The following RALGAPA2 variants were observed in gnomAD, a reference collection of about 807,000 sequenced individuals.
RALGAPA2 encodes ral GTPase-activating protein subunit alpha-2.
A neutral mutation model predicts 230.4 loss-of-function variants in RALGAPA2; 139 were observed. That is an observed-to-expected ratio of 0.60 (90% confidence interval 0.53 to 0.69). The LOEUF is 0.69. Among genes scored for constraint, RALGAPA2 ranks in the 30% least tolerant of loss-of-function variants. RALGAPA2 has a pLI of 0.00. For missense variants in RALGAPA2, 2,163 were observed against 2,276.0 expected, an observed-to-expected ratio of 0.95 and a Z score of 1.01; for synonymous variants, 847 against 837.8, an observed-to-expected ratio of 1.01 and a Z score of -0.19.
rs1454295618 is a variant in RALGAPA2 at position 20,573,077 on chromosome 20, A to T, written c.2708-9T>A. The T allele has an allele frequency of 1.3e-6, 2 of 1,593,210 alleles. No individual in the cohort carries two copies. Among genetic ancestry groups the T allele is most frequent in the Non-Finnish European group, 1.7e-6 (2 of 1,168,494 alleles). On this transcript the variant is annotated splice_polypyrimidine_tract_variant and intron_variant, in intron 20 of 39. Coordinates refer to ENST00000202677, the MANE Select transcript of RALGAPA2 (RefSeq NM_020343.4). ...GAGGCACTCGCTGCTATCTATGCAG[A>T]AAAACATGTCTGTTAACCCTGTAAA... is the stretch of plus-strand genomic sequence containing the variant.
At chr20:20,448,703 T>A (rs1350517903) in intron 37 of RALGAPA2, among the ~76,000 whole-genome samples, 1 of 152,054 alleles carries the variant, frequency 6.6e-6, no homozygotes, top group Non-Finnish European at 1.5e-5. Context: ...CAACTTTAAT[T>A]TCAGAAGGAA....
chr20:20,495,834 TG>T (rs1434010594), intron 35 of RALGAPA2, among the ~76,000 whole-genome samples: 1 of 152,240 alleles, frequency 6.6e-6, no homozygotes, highest in Non-Finnish European at 1.5e-5. Flanking sequence ...TGCTTAAGTC[TG>T]ATAAGAACAC....
intron 4 of RALGAPA2, among the ~76,000 whole-genome samples, chr20:20,649,949 G>A (rs1297891194): frequency 1.3e-5 from 2 of 152,080 alleles, no homozygotes; most frequent in Non-Finnish European, 2.9e-5. Context: ...CCTAAAAAAT[G>A]ACTTCAGAAA....
chr20:20,659,682 T>C, intron 3 of RALGAPA2: 1 of 388,762 alleles, frequency 2.6e-6, no homozygotes. Context: ...AATAAAATAA[T>C]CTGAATGGCA....
Position 20,513,041 on chromosome 20 carries a change from G to A in RALGAPA2, c.4328C>T (p.Pro1443Leu), listed in dbSNP as rs1489604021. ...TGATCCCCCTACCGGTCCTTCTGTG[G>A]GTGTCTGAAGGTAGGAGATGAGGGT... is the stretch of plus-strand genomic sequence containing the variant. ...DSTLISYLQT[P>L]TEGPVGGSPV... Residue 1443 changes from proline (P) to leucine (L), a missense_variant, in exon 32 of 40, where the codon CCC (proline) becomes CTC (leucine). Transcript: ENST00000202677. 1.2e-6 allele frequency: 2 copies of A among 1,611,850 alleles called. No homozygotes were observed. Among genetic ancestry groups the A allele is most frequent in the Non-Finnish European group, 1.7e-6 (2 of 1,179,206 alleles).
intron 35 of RALGAPA2, among the ~76,000 whole-genome samples, chr20:20,499,194 T>G (rs902982449): frequency 3.9e-5 from 6 of 152,212 alleles, no homozygotes; most frequent in African/African-American, 1.4e-4. Context: ...TCACTAATGA[T>G]GCTAAACCTT....
intron 38 of RALGAPA2, among the ~76,000 whole-genome samples, chr20:20,408,406 G>C (rs6112891): frequency 6.6e-6 from 1 of 152,134 alleles, no homozygotes; most frequent in African/African-American, 2.4e-5. Context: ...CAATCTTTAA[G>C]GCAGTTCTGA....
At position 20,571,527 on chromosome 20, in the gene RALGAPA2, A is replaced by C; in HGVS notation, c.3087T>G (p.Val1029=). 6.2e-7 allele frequency: 1 copy of C among 1,612,862 alleles called. No individual in the cohort carries two copies. Among genetic ancestry groups the C allele is most frequent in the Non-Finnish European group, 8.5e-7 (1 of 1,179,502 alleles). Residue 1029 remains valine, a synonymous_variant, in exon 23 of 40, where the codon GTT becomes GTG. Coordinates refer to ENST00000202677, the MANE Select transcript of RALGAPA2 (RefSeq NM_020343.4). The part of the protein sequence containing the change: ...ICAMMTRRQD[V]LPNSDFLVHF... ...GCACCAGGAAATCTGAGTTTGGCAG[A>C]ACGTCCTGGCGTCTGGTCATCATGG...
intron 1 of RALGAPA2, among the ~76,000 whole-genome samples, chr20:20,696,587 A>C (rs1483180781): frequency 6.6e-6 from 1 of 151,040 alleles, no homozygotes; most frequent in African/African-American, 2.4e-5. Context: ...TCTTATCCCT[A>C]TTTCCCCTCT....
At chr20:20,462,052 C>T (rs1375580169) in intron 37 of RALGAPA2, among the ~76,000 whole-genome samples, 2 of 152,032 alleles carry the variant, frequency 1.3e-5, no homozygotes, top group Non-Finnish European at 2.9e-5. Context: ...TCTTTTATAT[C>T]CTAGGACCAA....
chr20:20,639,158 C>T (rs2066950623), intron 7 of RALGAPA2, among the ~76,000 whole-genome samples: 1 of 152,134 alleles, frequency 6.6e-6, no homozygotes, highest in Admixed American at 6.5e-5. Context: ...GATGTGAACT[C>T]AGTAGAGATT....
chr20:20,664,640 C>T (rs945899109), intron 3 of RALGAPA2, among the ~76,000 whole-genome samples: 6 of 152,138 alleles, frequency 3.9e-5, no homozygotes, highest in African/African-American at 9.7e-5. Flanking sequence ...TGCATTTTTC[C>T]GATCTCTTCA....
chr20:20,633,715 T>C (rs1434721954), intron 9 of RALGAPA2, among the ~76,000 whole-genome samples: 2 of 151,776 alleles, frequency 1.3e-5, no homozygotes, highest in Non-Finnish European at 2.9e-5. Flanking sequence ...CCTGACCTCA[T>C]GATCTGCCTG....
chr20:20,572,891 C>G lies in RALGAPA2; in HGVS notation c.2885G>C (p.Trp962Ser), dbSNP rs756983388. Residue 962 changes from tryptophan to serine, a missense_variant, in exon 21 of 40, where the codon TGG becomes TCG. Trp to Ser is a radical substitution (Grantham distance 177). Coordinates refer to ENST00000202677, the MANE Select transcript of RALGAPA2 (RefSeq NM_020343.4). Reference sequence around the variant, plus strand: ...AGAACTTACCTTTGCTAGTTTGTACCAGAGTTCATAGAGATAGCAGAAAAC... The same window carrying G: ...AGAACTTACCTTTGCTAGTTTGTACGAGAGTTCATAGAGATAGCAGAAAAC... ...ARVFCYLYEL[W>S]YKLAKIRDNL... 3.6e-5 allele frequency: 56 copies of G among 1,543,260 alleles called. No homozygotes were observed. Among genetic ancestry groups the G allele is most frequent in the Admixed American group, 1.6e-4 (8 of 50,960 alleles).
At chr20:20,598,763 T>G (rs1299128377) in intron 16 of RALGAPA2, 1 of 456,340 alleles carries the variant, frequency 2.2e-6, no homozygotes, top group African/African-American at 2.0e-5. Flanking sequence ...ACGCTTTTAG[T>G]GGCAGGCAAA....
At chr20:20,396,593 G>T in intron 39 of RALGAPA2, 102 bp downstream of exon 39, 1 of 1,095,626 alleles carries the variant, frequency 9.1e-7, no homozygotes. Context: ...AGGGCGAGGA[G>T]CACTGATGCA....
At position 20,640,871 on chromosome 20, in the gene RALGAPA2, CATCTT is replaced by C. The variant is rs747945410; in HGVS notation, c.375_379del (p.Ile125MetfsTer2). ...CAGAAGAAACAGCCTGATTCCTTCA[CATCTT>C]ATCTAAAACAAAATTAAAAACAATG... is the stretch of plus-strand genomic sequence containing the variant. On this transcript the variant is annotated frameshift_variant and splice_region_variant, in exon 6 of 40. Transcript: ENST00000202677. LOFTEE classifies it high-confidence loss of function. 1.2e-6 allele frequency: 2 copies of C among 1,607,806 alleles called. No homozygotes were observed. The highest frequency in any genetic ancestry group is 1.1e-5 in the South Asian group (1 of 90,746).
intron 28 of RALGAPA2, among the ~76,000 whole-genome samples, chr20:20,525,914 C>T (rs777851968): frequency 1.3e-5 from 2 of 152,192 alleles, no homozygotes; most frequent in Admixed American, 6.5e-5. Flanking sequence ...CCACCCCTCA[C>T]GGAGGGCATC....
At chr20:20,657,038 T>G (rs1048631348) in intron 3 of RALGAPA2, among the ~76,000 whole-genome samples, 2 of 152,202 alleles carry the variant, frequency 1.3e-5, no homozygotes, top group Admixed American at 6.5e-5. Flanking sequence ...AAATTTACTA[T>G]AGACCCCAAT....
Sources: allele counts gnomAD v4.1 joint callset (sites outside exome capture counted in the v4.1 genomes callset), GRCh38; gene constraint gnomAD v4.1.1; transcripts MANE v1.5; gene names NCBI Gene and HGNC (gene_info 2026-07-23, HGNC 2026-07-21).